GRIK2: variants seen among roughly 807,000 people sequenced by gnomAD.
The protein encoded by GRIK2 is glutamate ionotropic receptor kainate type subunit 2.
GRIK2 carries 32 observed loss-of-function variants against 100.3 expected under a neutral mutation model. That is an observed-to-expected ratio of 0.32 (90% CI 0.24 to 0.43). The LOEUF (loss-of-function observed/expected upper bound fraction) is 0.43. Ranked by LOEUF, GRIK2 falls within the 20% of genes least tolerant of loss-of-function variation. GRIK2 has a pLI of 1.00. For synonymous variants in GRIK2, 417 were observed against 389.4 expected, an observed-to-expected ratio of 1.07 and a Z score of -0.83; for missense variants, 843 against 1,114.9, an observed-to-expected ratio of 0.76 and a Z score of 3.47.
intron 4 of GRIK2, among the ~76,000 whole-genome samples, chr6:101,652,765 G>T (rs1781861338): frequency 6.6e-6 from 1 of 152,088 alleles, no homozygotes; most frequent in Non-Finnish European, 1.5e-5. Context: ...TTTATAGCAG[G>T]TAGCAAAGCG....
At chr6:101,834,702 A>G (rs1163966786) in intron 10 of GRIK2, among the ~76,000 whole-genome samples, 1 of 152,172 alleles carries the variant, frequency 6.6e-6, no homozygotes, top group Non-Finnish European at 1.5e-5. Context: ...GGAAATTTAG[A>G]CAATTTTGTT....
At chr6:102,010,341 G>A (rs1032032074) in intron 14 of GRIK2, among the ~76,000 whole-genome samples, 5 of 144,596 alleles carry the variant, frequency 3.5e-5, no homozygotes, top group Admixed American at 7.1e-5. Context: ...TATTCATCCC[G>A]CCCTCCTTTC....
chr6:101,427,121 G>C (rs905410201), intron 2 of GRIK2, among the ~76,000 whole-genome samples: 2 of 152,122 alleles, frequency 1.3e-5, no homozygotes, highest in African/African-American at 4.8e-5. Flanking sequence ...GGGAAGGTTG[G>C]GGCAGAAGCC....
At chr6:101,529,119 G>GAGTTATTATTCACTTC (rs148077342) in intron 2 of GRIK2, among the ~76,000 whole-genome samples, 1 of 152,198 alleles carries the variant, frequency 6.6e-6, no homozygotes, top group Non-Finnish European at 1.5e-5. Context: ...AATTGAACTT[G>GAGTTATTATTCACTTC]AGTTATTATT....
chr6:101,430,950 G>T (rs1769348672), intron 2 of GRIK2: 1 of 310,104 alleles, frequency 3.2e-6, no homozygotes, highest in Non-Finnish European at 6.6e-6. Context: ...CTAGGGAAAG[G>T]CATAGCCCTC....
chr6:101,626,476 T>A lies in GRIK2; in HGVS notation c.380T>A (p.Val127Asp). ...AVQSICNALGVPHIQTRWKHQ... is the reference protein window; with the variant it reads ...AVQSICNALGDPHIQTRWKHQ... The stretch of plus-strand genomic sequence containing the variant: ...CAGTCCATCTGCAATGCTCTGGGAG[T>A]TCCCCACATACAGACCCGCTGGAAG... Residue 127 changes from valine (V) to aspartate (D), a missense_variant, in exon 4 of 17, where the codon GTT becomes GAT. Coordinates refer to ENST00000369134, the MANE Select transcript of GRIK2 (RefSeq NM_021956.5). 6.2e-7 allele frequency: 1 copy of A among 1,613,662 alleles called. No homozygotes were observed. The highest frequency in any genetic ancestry group is 8.5e-7 in the Non-Finnish European group (1 of 1,179,846).
intron 7 of GRIK2, chr6:101,745,100 G>T (rs1776344219): frequency 6.6e-6 from 1 of 152,058 alleles, no homozygotes; most frequent in Non-Finnish European, 1.5e-5. Context: ...TTTATTAAAT[G>T]AATGCTAACA....
intron 14 of GRIK2, among the ~76,000 whole-genome samples, chr6:101,948,886 T>C (rs1279320155): frequency 6.6e-6 from 1 of 152,162 alleles, no homozygotes; most frequent in African/African-American, 2.4e-5. Flanking sequence ...AGGGCAAATT[T>C]AATTTGCACC....
chr6:101,960,094 G>A (rs1473832416), intron 14 of GRIK2, among the ~76,000 whole-genome samples: 1 of 116,624 alleles, frequency 8.6e-6, no homozygotes, highest in East Asian at 2.5e-4. Context: ...CAGAAGGCTT[G>A]TCTTTAAGCT....
intron 4 of GRIK2, among the ~76,000 whole-genome samples, chr6:101,637,436 A>G (rs1478827224): frequency 6.6e-6 from 1 of 152,118 alleles, no homozygotes; most frequent in African/African-American, 2.4e-5. Context: ...CCTAGTGATC[A>G]TTCTAGATTC....
intron 14 of GRIK2, among the ~76,000 whole-genome samples, chr6:101,985,186 A>G (rs1286026623): frequency 6.6e-6 from 1 of 151,754 alleles, no homozygotes; most frequent in Admixed American, 6.6e-5. Flanking sequence ...TTAAAATTCA[A>G]TGAAAAAAAA....
In GRIK2 at chr6:102,013,823, C is replaced by G. The variant is rs573465211; in HGVS notation, c.2086-21518C>G. On this transcript the variant is annotated intron_variant, in intron 14 of 16. Coordinates refer to ENST00000369134, the MANE Select transcript of GRIK2 (RefSeq NM_021956.5). ...TTTGTTTTTGATGTGCTGCTAGATT[C>G]AATTTACTAGTATTTTGTTGAGGAT... is the stretch of plus-strand genomic sequence containing the variant. Among the ~76,000 whole-genome samples the G allele has an allele frequency of 6.6e-5, 10 of 152,120 alleles. No homozygotes were observed. In the South Asian group the frequency reaches 1.7e-3, roughly 25 times the overall value.
chr6:101,786,228 TA>T (rs1313865559), intron 7 of GRIK2, among the ~76,000 whole-genome samples: 1 of 151,716 alleles, frequency 6.6e-6, no homozygotes, highest in Non-Finnish European at 1.5e-5. Context: ...TTTTAAAACA[TA>T]AGATCATGTC....
intron 16 of GRIK2, among the ~76,000 whole-genome samples, chr6:102,064,974 A>G (rs1384048195): frequency 6.6e-6 from 1 of 151,400 alleles, no homozygotes; most frequent in East Asian, 1.9e-4. Context: ...TCTCACAGTA[A>G]CTTTATCAAT....
chr6:101,407,352 A>G (rs893220263), intron 2 of GRIK2, among the ~76,000 whole-genome samples: 2 of 152,106 alleles, frequency 1.3e-5, no homozygotes, highest in Non-Finnish European at 2.9e-5. Flanking sequence ...GTGAATTGCC[A>G]AGGACAGTTA....
intron 10 of GRIK2, among the ~76,000 whole-genome samples, chr6:101,856,384 C>T (rs1784427931): frequency 6.6e-6 from 1 of 152,136 alleles, no homozygotes; most frequent in African/African-American, 2.4e-5. Flanking sequence ...AATATAATGT[C>T]TATGAGACAT....
chr6:101,581,287 CGT>C (rs58382277), intron 2 of GRIK2, among the ~76,000 whole-genome samples: 2,496 of 149,704 alleles, frequency 0.017, 63 homozygotes, highest in African/African-American at 0.056. Flanking sequence ...TGTATACACA[CGT>C]GTGTGTGTGT....
At chr6:101,481,020 A>G (rs764461799) in intron 2 of GRIK2, among the ~76,000 whole-genome samples, 48 of 152,162 alleles carry the variant, frequency 3.2e-4, no homozygotes, top group Non-Finnish European at 4.1e-4. Context: ...GGACAAGCCT[A>G]TCGCTAAACC....
chr6:101,970,755 G>T (rs1434596213), intron 14 of GRIK2, among the ~76,000 whole-genome samples: 3 of 144,422 alleles, frequency 2.1e-5, no homozygotes, highest in Non-Finnish European at 4.4e-5. Context: ...TATTTAGTTG[G>T]TCCTCAATTT....
Sources: gnomAD v4.1 joint callset for allele counts (sites outside exome capture counted in the v4.1 genomes callset) on GRCh38, gnomAD v4.1.1 for gene constraint, MANE v1.5 for transcripts, NCBI Gene and HGNC (gene_info 2026-07-23, HGNC 2026-07-21) for gene names.